ANKRD28: variants seen among roughly 807,000 people sequenced by gnomAD.
ANKRD28 encodes ankyrin repeat domain 28.
In ANKRD28, 44 loss-of-function variants were observed where a neutral mutation model predicts 126.5. That is an observed-to-expected ratio of 0.35 (90% CI 0.27 to 0.45). The LOEUF is 0.45. Ranked by LOEUF, ANKRD28 falls within the 20% of genes least tolerant of loss-of-function variation. The pLI, the probability that ANKRD28 is intolerant of heterozygous loss-of-function variation, is 1.00. For missense variants in ANKRD28, 1,110 were observed against 1,316.6 expected (o/e 0.84, Z 2.43); for synonymous variants, 442 against 468.5 (o/e 0.94, Z 0.73).
intron 17 of ANKRD28, 56 bp downstream of exon 17, chr3:15,694,683 T>C: frequency 6.9e-7 from 1 of 1,458,702 alleles, no homozygotes. Context: ...AAATAGGTTA[T>C]TAGATATTTT....
rs2061710604 is a variant in ANKRD28, at chr3:15,854,118, G to T, written c.27+5259C>A. Among the ~76,000 whole-genome samples the T allele has an allele frequency of 6.6e-6, 1 of 152,124 alleles. No homozygotes were observed. Among genetic ancestry groups the T allele is most frequent in the Non-Finnish European group, 1.5e-5 (1 of 68,022 alleles). ...TTCAGTGATCATGGACCCCTCTGAG[G>T]ATCCATACCTGCACATTCTTGCCAA... On this transcript the variant is annotated intron_variant, in intron 1 of 27. Coordinates refer to the ANKRD28 transcript ENST00000399451. This position sits in a 1 kb window ranked among gnomAD's most constrained non-coding sequence, Gnocchi z 4.1.
At chr3:15,763,488 A>G (rs1559491656) in intron 3 of ANKRD28, among the ~76,000 whole-genome samples, 1 of 152,232 alleles carries the variant, frequency 6.6e-6, no homozygotes. Flanking sequence ...AGGAGATAAA[A>G]CGACAGTAAA....
chr3:15,814,260 T>C lies in ANKRD28; in HGVS notation c.28-18954A>G. ...CCTACCATAATAGGAATTCCCATAC[T>C]ATTTTCCTCTGGTGGAGGCAGTTGT... On this transcript the variant is annotated intron_variant, in intron 1 of 27. Coordinates refer to the ANKRD28 transcript ENST00000399451. This position sits in a 1 kb window ranked among gnomAD's most constrained non-coding sequence, Gnocchi z 4.7. The C allele has an allele frequency of 7.9e-7, 1 of 1,261,684 alleles. No homozygotes were observed. The allele number at this position is 1,261,684 out of a possible 1,614,324, so 78.2% of individuals were successfully genotyped here. A position where few individuals can be genotyped will look rare whatever the true frequency, so the allele number is the denominator to read the frequency against.
intron 17 of ANKRD28, among the ~76,000 whole-genome samples, chr3:15,693,938 G>A (rs543094899): frequency 1.1e-4 from 16 of 152,088 alleles, no homozygotes; most frequent in Non-Finnish European, 2.2e-4. Context: ...ATGAATAACT[G>A]AACTTGTAGT....
chr3:15,729,840 T>C (rs895689259), intron 6 of ANKRD28, among the ~76,000 whole-genome samples: 2 of 152,326 alleles, frequency 1.3e-5, no homozygotes, highest in African/African-American at 4.8e-5. Context: ...TCTACTATTA[T>C]GTTTCTAGAA....
At chr3:15,848,418 T>C (rs1417413601) in intron 1 of ANKRD28, among the ~76,000 whole-genome samples, 1 of 152,172 alleles carries the variant, frequency 6.6e-6, no homozygotes, top group Non-Finnish European at 1.5e-5. Flanking sequence ...CTCACACCTG[T>C]AATCCCAGTG....
At chr3:15,698,137 T>G (rs2069948015) in intron 14 of ANKRD28, among the ~76,000 whole-genome samples, 1 of 151,982 alleles carries the variant, frequency 6.6e-6, no homozygotes, top group East Asian at 1.9e-4. Context: ...TTGCTAGCGG[T>G]CTGTCTGATT....
chr3:15,792,146 C>T (rs1584324), intron 2 of ANKRD28, among the ~76,000 whole-genome samples: 101,614 of 152,014 alleles, frequency 0.67, 34,506 homozygotes, highest in East Asian at 0.91. Context: ...ACAACCACTA[C>T]GGAGAACAGT....
chr3:15,773,660 T>A (rs1180468637), intron 2 of ANKRD28, among the ~76,000 whole-genome samples: 1 of 151,938 alleles, frequency 6.6e-6, no homozygotes, highest in Non-Finnish European at 1.5e-5. Flanking sequence ...CTGAAAACTA[T>A]GAAACACGCA....
At chr3:15,689,536 C>A (rs1166998804) in intron 18 of ANKRD28, among the ~76,000 whole-genome samples, 4 of 152,196 alleles carry the variant, frequency 2.6e-5, no homozygotes, top group Non-Finnish European at 5.9e-5. Context: ...GGGGCACTTA[C>A]ATCTTTTGTG....
chr3:15,734,291 T>A (rs899388230), intron 6 of ANKRD28, among the ~76,000 whole-genome samples: 1 of 152,228 alleles, frequency 6.6e-6, no homozygotes, highest in Admixed American at 6.5e-5. Flanking sequence ...TGTTAATCTT[T>A]TATTTTTAAA....
intron 2 of ANKRD28, among the ~76,000 whole-genome samples, chr3:15,781,167 A>G (rs2125693140): frequency 6.6e-6 from 1 of 152,292 alleles, no homozygotes; most frequent in East Asian, 1.9e-4. Flanking sequence ...AAAGTATATA[A>G]TAAACTCAAC....
At chr3:15,793,720 C>T (rs527515326) in intron 2 of ANKRD28, among the ~76,000 whole-genome samples, 3 of 152,210 alleles carry the variant, frequency 2.0e-5, no homozygotes, top group African/African-American at 4.8e-5. Context: ...TTCTAAGAAA[C>T]GCATACTCTT....
chr3:15,699,494 C>G (rs1415435450), intron 14 of ANKRD28, among the ~76,000 whole-genome samples: 1 of 152,118 alleles, frequency 6.6e-6, no homozygotes, highest in Non-Finnish European at 1.5e-5. Context: ...ATCTACCCAT[C>G]TGACAAAGGG....
At chr3:15,746,040 A>G (rs983453192) in intron 4 of ANKRD28, among the ~76,000 whole-genome samples, 4 of 152,124 alleles carry the variant, frequency 2.6e-5, no homozygotes, top group Admixed American at 2.0e-4. Context: ...AGAACTACTG[A>G]TTTGTGTACA....
intron 8 of ANKRD28, among the ~76,000 whole-genome samples, chr3:15,716,963 C>A (rs759691259): frequency 6.6e-6 from 1 of 152,058 alleles, no homozygotes; most frequent in Non-Finnish European, 1.5e-5. Context: ...TTCTGTCTCC[C>A]CATCTCCCTT....
rs138768708 is a variant in ANKRD28, at chr3:15,675,955, T to C, written c.2908A>G (p.Met970Val). 7.3e-4 allele frequency: 1,176 copies of C among 1,613,182 alleles called. 1 individual carries two copies. The highest frequency in any genetic ancestry group is 9.0e-4 in the Non-Finnish European group (1,059 of 1,179,366). ...TTTCCCAAAAGTTCCTGAACCACCA[T>C]TGTTAGCCCATTTCGGGCAGCAACA... is the stretch of plus-strand genomic sequence containing the variant. ...LHVAARNGLT[M>V]VVQELLGKGA... Residue 970 changes from methionine (M) to valine (V), a missense_variant, in exon 27 of 28, where the codon ATG (methionine) becomes GTG (valine). Transcript: ENST00000683139.
In ANKRD28 at chr3:15,854,965, C is replaced by T. The variant is rs542103396; in HGVS notation, c.27+4412G>A. Among the ~76,000 whole-genome samples the T allele has an allele frequency of 3.9e-4, 60 of 152,252 alleles. 1 individual carries two copies. The highest frequency in any genetic ancestry group is 3.6e-3 in the Admixed American group (55 of 15,300). ...TAGGGAGGCTGAGGCAGGAGAATTG[C>T]TTGAACTAGGGAGGCAGAGGTTGCA... is the stretch of plus-strand genomic sequence containing the variant. On this transcript the variant is annotated intron_variant, in intron 1 of 27. Coordinates refer to the ANKRD28 transcript ENST00000399451. This position sits in a 1 kb window ranked among gnomAD's most constrained non-coding sequence, Gnocchi z 4.1.
At chr3:15,749,101 GTTTTTTTT>G (rs869266246) in intron 4 of ANKRD28, among the ~76,000 whole-genome samples, 3 of 53,056 alleles carry the variant, frequency 5.7e-5, no homozygotes, top group Admixed American at 2.6e-4. Flanking sequence ...TTATGTTTTT[GTTTTTTTT>G]TTTTTTTTTT....
Sources: allele counts gnomAD v4.1 joint callset (sites outside exome capture counted in the v4.1 genomes callset), GRCh38; gene constraint gnomAD v4.1.1; non-coding constraint Gnocchi (gnomAD v3.1); transcripts MANE v1.5; gene names NCBI Gene and HGNC (gene_info 2026-07-23, HGNC 2026-07-21).